Variants in KPNA4 observed in about 807,000 individuals in gnomAD.
The protein encoded by KPNA4 is karyopherin subunit alpha 4.
KPNA4 carries 13 observed loss-of-function variants against 71.3 expected under a neutral mutation model. That is an observed-to-expected ratio of 0.18 (90% CI 0.12 to 0.29). The LOEUF (loss-of-function observed/expected upper bound fraction) is 0.29. Among genes scored for constraint, KPNA4 ranks in the 10% least tolerant of loss-of-function variants. The pLI, the probability that KPNA4 is intolerant of heterozygous loss-of-function variation, is 1.00. For synonymous variants in KPNA4, 189 were observed against 195.2 expected, an observed-to-expected ratio of 0.97 and a Z score of 0.26; for missense variants, 334 against 603.2, an observed-to-expected ratio of 0.55 and a Z score of 4.67.
chr3:160,551,396 T>C (rs533663515), intron 1 of KPNA4, among the ~76,000 whole-genome samples: 2 of 152,320 alleles, frequency 1.3e-5, no homozygotes, highest in African/African-American at 4.8e-5. Context: ...AAAGGGAAGA[T>C]TCATATGAAT....
chr3:160,547,115 T>C (rs553189090), intron 1 of KPNA4, among the ~76,000 whole-genome samples: 11 of 152,344 alleles, frequency 7.2e-5, no homozygotes, highest in Admixed American at 6.5e-4. Context: ...AAGATGAATT[T>C]AAAAAGTCCA....
chr3:160,536,651 TTAAC>T (rs1343846805), intron 2 of KPNA4, 141 bp downstream of exon 2: 3 of 450,232 alleles, frequency 6.7e-6, no homozygotes, highest in East Asian at 7.4e-5. Context: ...TTTAAAAAGT[TTAAC>T]TAAATTTAGT....
At chr3:160,511,700 C>T (rs1038302630) in intron 13 of KPNA4, among the ~76,000 whole-genome samples, 3 of 138,868 alleles carry the variant, frequency 2.2e-5, no homozygotes, top group Non-Finnish European at 4.7e-5. Flanking sequence ...AGGGGCAATA[C>T]GGCTTTGTTA....
chr3:160,504,670 CAATTTTAAAAAATGAGAACT>C (rs1720948491), intron 16 of KPNA4, among the ~76,000 whole-genome samples: 1 of 152,026 alleles, frequency 6.6e-6, no homozygotes, highest in South Asian at 2.1e-4. Flanking sequence ...ATGCTATTAA[CAATTTTAAAAAATGAGAACT>C]ATAAAGACAC....
At chr3:160,557,770 G>A (rs1048647915) in intron 1 of KPNA4, among the ~76,000 whole-genome samples, 2 of 152,282 alleles carry the variant, frequency 1.3e-5, no homozygotes, top group Admixed American at 6.5e-5. Context: ...CACTTTCTGG[G>A]CTCAAGCGAT....
At chr3:160,516,435 A>C (rs935435187) in intron 11 of KPNA4, among the ~76,000 whole-genome samples, 2 of 117,244 alleles carry the variant, frequency 1.7e-5, no homozygotes, top group Non-Finnish European at 3.8e-5. Flanking sequence ...AATTTTAGAT[A>C]GTGCCATAAA....
intron 6 of KPNA4, 120 bp from the exon 7 acceptor site, chr3:160,531,060 C>T: frequency 1.5e-6 from 1 of 679,236 alleles, no homozygotes; most frequent in South Asian, 2.1e-5. Context: ...AGTTATCTAT[C>T]CATCCAGCAT....
intron 2 of KPNA4, 71 bp downstream of exon 2, chr3:160,536,724 TG>T: frequency 6.7e-6 from 5 of 743,930 alleles, no homozygotes; most frequent in Admixed American, 2.7e-5. Flanking sequence ...AATATATATT[TG>T]GCATCTTGTA....
rs766968471 is a variant in KPNA4 at position 160,523,856 on chromosome 3, GA to G, written c.771+1943del. On this transcript the variant is annotated intron_variant, in intron 10 of 16. Coordinates refer to ENST00000334256, the MANE Select transcript of KPNA4 (RefSeq NM_002268.5). ...ACAGTGCGAGACTCTGTCTCAAAAA[GA>G]AAAAAAAAAGAATTCACATAAAAAA... Among the ~76,000 whole-genome samples the G allele has an allele frequency of 8.1e-4, 116 of 143,562 alleles. 1 individual carries two copies. Among genetic ancestry groups the G allele is most frequent in the Middle Eastern group, 3.4e-3 (1 of 290 alleles). The allele number at this position is 143,562 out of a possible 152,430, so 94.2% of individuals were successfully genotyped here.
chr3:160,556,742 T>C (rs1722145378), intron 1 of KPNA4, among the ~76,000 whole-genome samples: 1 of 152,192 alleles, frequency 6.6e-6, no homozygotes, highest in Admixed American at 6.5e-5. Flanking sequence ...GCTCAACCTG[T>C]ACTGTCATTG....
intron 1 of KPNA4, among the ~76,000 whole-genome samples, chr3:160,554,947 T>C (rs1310731855): frequency 6.6e-6 from 1 of 152,220 alleles, no homozygotes; most frequent in Non-Finnish European, 1.5e-5. Context: ...AGCAAGCTAA[T>C]TGAACCCAAG....
In KPNA4 at chr3:160,496,922, GC is replaced by G. The variant is rs1720775548; in HGVS notation, c.*5181del. 6.6e-6 allele frequency: 1 copy of G among 152,108 alleles called. No individual in the cohort carries two copies. The highest frequency in any genetic ancestry group is 6.5e-5 in the Admixed American group (1 of 15,284). The allele number at this position is 152,108 out of a possible 1,614,324, so 9.4% of individuals were successfully genotyped here. ...GAGTCAAACTGCCATCACCTAAAGG[GC>G]CTGGATTTAAAAGGAATTTTCAAGA... On this transcript the variant is annotated 3_prime_UTR_variant, in exon 17 of 17. Coordinates refer to ENST00000334256, the MANE Select transcript of KPNA4 (RefSeq NM_002268.5).
intron 12 of KPNA4, chr3:160,515,129 TTAAG>T: frequency 1.9e-6 from 1 of 521,274 alleles, no homozygotes; most frequent in Non-Finnish European, 3.8e-6. Context: ...ACACTCTCTA[TTAAG>T]TACCTATAAA....
intron 6 of KPNA4, 129 bp downstream of exon 6, chr3:160,531,333 C>CT: frequency 2.0e-6 from 1 of 499,592 alleles, no homozygotes. Flanking sequence ...CTGCTTTTCA[C>CT]TTTGACTTTT....
At chr3:160,531,440 A>C in intron 6 of KPNA4, 22 bp downstream of exon 6, 1 of 1,291,944 alleles carries the variant, frequency 7.7e-7, no homozygotes, top group Non-Finnish European at 1.1e-6. Flanking sequence ...ATTAAAAAAA[A>C]AAAAATAAAT....
At chr3:160,562,144 C>T (rs1287028076) in intron 1 of KPNA4, among the ~76,000 whole-genome samples, 1 of 152,100 alleles carries the variant, frequency 6.6e-6, no homozygotes, top group Non-Finnish European at 1.5e-5. Flanking sequence ...ATGGGCTGTT[C>T]CAATAAGGTA....
intron 15 of KPNA4, among the ~76,000 whole-genome samples, chr3:160,505,539 G>C (rs1440358715): frequency 6.6e-6 from 1 of 152,168 alleles, no homozygotes; most frequent in Non-Finnish European, 1.5e-5. Context: ...CAGGGGAAAA[G>C]AGAATTTTCC....
intron 16 of KPNA4, among the ~76,000 whole-genome samples, chr3:160,502,927 G>A (rs1429462831): frequency 6.6e-5 from 10 of 151,844 alleles, no homozygotes; most frequent in Admixed American, 4.6e-4. Flanking sequence ...CCTGGCCAAC[G>A]TGGCGAAACC....
rs1328902282 is a variant in KPNA4 at position 160,565,404 on chromosome 3, C to T, written c.-122G>A. 1.3e-6 allele frequency: 1 copy of T among 760,856 alleles called. No individual in the cohort carries two copies. 47.1% of individuals were successfully genotyped at this position (760,856 alleles called of 1,614,324 possible). On this transcript the variant is annotated 5_prime_UTR_variant, in exon 1 of 17. Transcript: ENST00000334256. Reference sequence around the variant, plus strand: ...AGCTGCTGTGCCCGCCGCGCCGCCGCTTCCTTCCTCCTCTCACCTGCCTCC... The same window carrying T: ...AGCTGCTGTGCCCGCCGCGCCGCCGTTTCCTTCCTCCTCTCACCTGCCTCC...
Sources: allele counts gnomAD v4.1 joint callset (sites outside exome capture counted in the v4.1 genomes callset), GRCh38; gene constraint gnomAD v4.1.1; transcripts MANE v1.5; gene names NCBI Gene and HGNC (gene_info 2026-07-23, HGNC 2026-07-21).